Variants in TNFAIP2 observed in about 807,000 individuals in gnomAD.
TNFAIP2 encodes the protein TNF alpha induced protein 2, also known as tumor necrosis factor alpha-induced protein 2.
TNFAIP2 carries 47 observed loss-of-function variants against 63.5 expected under a neutral mutation model. That is an observed-to-expected ratio of 0.74 (90% CI 0.59 to 0.94). TNFAIP2 has a LOEUF of 0.94. TNFAIP2 is among the 40% of genes least tolerant of loss of function. The pLI is 0.00. For synonymous variants in TNFAIP2, 405 were observed against 390.2 expected (o/e 1.04, Z -0.45); for missense variants, 787 against 850.2 (o/e 0.93, Z 0.92).
rs200163502 is a variant in TNFAIP2 at position 103,131,682 on chromosome 14, A to C, written c.1342A>C (p.Ser448Arg). 1 of 1,607,266 alleles carries C rather than the reference A, an allele frequency of 6.2e-7. No individual in the cohort carries two copies. The highest frequency in any genetic ancestry group is 1.3e-5 in the African/African-American group (1 of 74,988). The change falls in exon 8 of 12, where the codon AGC (serine) becomes CGC (arginine). Residue 448 changes from serine to arginine, a missense_variant. Transcript: ENST00000560869. The surrounding 1 kb of genome is among the most constrained non-coding windows in gnomAD (Gnocchi z 4.0). ...TTGGCAGGTACCCCAGGACACCCTGAGCCTCCTGCTGGGCCCCCTGGGTGA... is the reference window on the plus strand; with the variant it reads ...TTGGCAGGTACCCCAGGACACCCTGCGCCTCCTGCTGGGCCCCCTGGGTGA... ...QNWQVPQDTL[S>R]LLLGPLGELK...
rs1260966276 is a variant in TNFAIP2 at position 103,126,997 on chromosome 14, C to T, written c.236-8C>T. The T allele has an allele frequency of 4.1e-6, 5 of 1,213,368 alleles. No individual in the cohort carries two copies. Among genetic ancestry groups the T allele is most frequent in the South Asian group, 5.0e-5 (2 of 39,620 alleles). 75.2% of individuals were successfully genotyped at this position (1,213,368 alleles called of 1,614,324 possible). On this transcript the variant is annotated splice_polypyrimidine_tract_variant and splice_region_variant and intron_variant, in intron 2 of 11. Transcript: ENST00000560869. Reference sequence around the variant, plus strand: ...GGGGCCGGGGCTGACGCGGCTTTCCCGGCGCAGTGGAGGAGCTGAAGGCGG... The same window carrying T: ...GGGGCCGGGGCTGACGCGGCTTTCCTGGCGCAGTGGAGGAGCTGAAGGCGG...
chr14:103,122,451 C>T (rs558321695), upstream of TNFAIP2, among the ~76,000 whole-genome samples: 7 of 152,204 alleles, frequency 4.6e-5, no homozygotes, highest in Non-Finnish European at 8.8e-5. Flanking sequence ...AAGCCCCTGC[C>T]CAGCGGGAAA....
Position 103,132,740 on chromosome 14 carries a change from C to T in TNFAIP2, c.1423-10C>T, listed in dbSNP as rs1386839870. ...GGGCGTGACTAGACATCCTGCCTCT[C>T]CTGTCTCAGCCACTGTTCAAGAGGT... On this transcript the variant is annotated splice_polypyrimidine_tract_variant and intron_variant, in intron 8 of 11. Transcript: ENST00000560869. 2 of 1,611,454 alleles carry T rather than the reference C, an allele frequency of 1.2e-6. No individual in the cohort carries two copies. The highest frequency in any genetic ancestry group is 2.7e-5 in the African/African-American group (2 of 74,918).
Position 103,135,782 on chromosome 14 carries a change from C to T in TNFAIP2, c.*422C>T, listed in dbSNP as rs1013110069. On this transcript the variant is annotated 3_prime_UTR_variant, in exon 12 of 12. Transcript: ENST00000560869. The surrounding 1 kb of genome is among the most constrained non-coding windows in gnomAD (Gnocchi z 7.6). ...TCTTCAGCTCTCTGGAGACAGGGGC[C>T]GAGCCTCACCCATCTGCCCTCTGCA... 38 of 1,291,404 alleles carry T rather than the reference C, an allele frequency of 2.9e-5. No homozygotes were observed. The highest frequency in any genetic ancestry group is 2.2e-4 in the East Asian group (4 of 18,492). The allele number at this position is 1,291,404 out of a possible 1,614,324, so 80.0% of individuals were successfully genotyped here. A position where few individuals can be genotyped will look rare whatever the true frequency, so the allele number is the denominator to read the frequency against.
Position 103,127,080 on chromosome 14 carries a change from TGGCGGCGGCGGC to T in TNFAIP2, c.320_331del (p.Ala107_Ala110del), listed in dbSNP as rs8176385. 3 of 1,114,686 alleles carry T rather than the reference TGGCGGCGGCGGC, an allele frequency of 2.7e-6. No homozygotes were observed. The highest frequency in any genetic ancestry group is 3.4e-5 in the African/African-American group (2 of 58,606). 69.0% of individuals were successfully genotyped at this position (1,114,686 alleles called of 1,614,324 possible). On this transcript the variant is annotated inframe_deletion, in exon 3 of 12. Transcript: ENST00000560869. This position sits in a 1 kb window ranked among gnomAD's most constrained non-coding sequence, Gnocchi z 5.1. Reference sequence around the variant, plus strand: ...CCGCTGCTGGCGCTGGAGCGGGAGCTGGCGGCGGCGGCGGCGGCGGGCGGTGTGAGCGAGGAG... The same window carrying T: ...CCGCTGCTGGCGCTGGAGCGGGAGCTGGCGGCGGGCGGTGTGAGCGAGGAG...
intron 8 of TNFAIP2, 124 bp from the exon 9 acceptor site, chr14:103,132,626 T>C: frequency 7.0e-7 from 1 of 1,436,794 alleles, no homozygotes. Context: ...AGTCCTTGAG[T>C]GCCCCCCGCC....
intron 1 of TNFAIP2, among the ~76,000 whole-genome samples, chr14:103,125,307 C>A (rs1444668524): frequency 6.6e-6 from 1 of 152,182 alleles, no homozygotes; most frequent in Non-Finnish European, 1.5e-5. Context: ...TGACAATGGT[C>A]AGGTGCTGGG....
At chr14:103,133,020 A>G (rs1026223590) in intron 9 of TNFAIP2, 148 bp downstream of exon 9, 4 of 1,327,750 alleles carry the variant, frequency 3.0e-6, no homozygotes, top group African/African-American at 1.4e-5. Flanking sequence ...GAACACGTGC[A>G]CATGTGAACA....
At chr14:103,130,162 G>A (rs2087942392) in intron 5 of TNFAIP2, 38 bp downstream of exon 5, 2 of 1,597,082 alleles carry the variant, frequency 1.3e-6, no homozygotes, top group Admixed American at 1.7e-5. Flanking sequence ...TACCGCCCGT[G>A]CACGTGCATG....
In TNFAIP2 at chr14:103,131,566, G is replaced by A. The variant is rs1595284031; in HGVS notation, c.1299-73G>A. 1.3e-6 allele frequency: 2 copies of A among 1,494,122 alleles called. No individual in the cohort carries two copies. Among genetic ancestry groups the A allele is most frequent in the South Asian group, 1.3e-5 (1 of 79,040 alleles). 92.6% of individuals were successfully genotyped at this position (1,494,122 alleles called of 1,614,324 possible). A position where few individuals can be genotyped will look rare whatever the true frequency, so the allele number is the denominator to read the frequency against. On this transcript the variant is annotated intron_variant, in intron 7 of 11. Transcript: ENST00000560869. The surrounding 1 kb of genome is among the most constrained non-coding windows in gnomAD (Gnocchi z 4.0). ...GAGGGTTCTAGAGTGAAGAGAGGGG[G>A]CTGTCTGGCTCCCTGGGTATGGGGC...
At position 103,129,686 on chromosome 14, in the gene TNFAIP2, G is replaced by A. The variant is rs915679835; in HGVS notation, c.861-54G>A. The A allele has an allele frequency of 2.6e-6, 4 of 1,533,348 alleles. No homozygotes were observed. In the Middle Eastern group the frequency reaches 6.8e-4, roughly 260 times the overall value. 95.0% of individuals were successfully genotyped at this position (1,533,348 alleles called of 1,614,324 possible). A position where few individuals can be genotyped will look rare whatever the true frequency, so the allele number is the denominator to read the frequency against. ...GCTGAGGGCCTGGGCTCTAGCTTGA[G>A]TGGTGGTGCTGATTTGGTATAGTTG... On this transcript the variant is annotated intron_variant, in intron 3 of 11. Transcript: ENST00000560869.
chr14:103,127,077 A>G lies in TNFAIP2; in HGVS notation c.308A>G (p.Glu103Gly). 8.9e-7 allele frequency: 1 copy of G among 1,121,782 alleles called. No homozygotes were observed. The highest frequency in any genetic ancestry group is 1.1e-6 in the Non-Finnish European group (1 of 918,792). 69.5% of individuals were successfully genotyped at this position (1,121,782 alleles called of 1,614,324 possible). A position where few individuals can be genotyped will look rare whatever the true frequency, so the allele number is the denominator to read the frequency against. ...AARPLLALER[E>G]LAAAAAAGGV... ...CGGCCGCTGCTGGCGCTGGAGCGGG[A>G]GCTGGCGGCGGCGGCGGCGGCGGGC... The change falls in exon 3 of 12, where the codon GAG (glutamate) becomes GGG (glycine). Residue 103 changes from glutamate to glycine, a missense_variant. Coordinates refer to ENST00000560869, the MANE Select transcript of TNFAIP2 (RefSeq NM_006291.4). The surrounding 1 kb of genome is among the most constrained non-coding windows in gnomAD (Gnocchi z 5.1).
At chr14:103,132,956 A>G in intron 9 of TNFAIP2, 84 bp downstream of exon 9, 1 of 1,575,816 alleles carries the variant, frequency 6.3e-7, no homozygotes. Flanking sequence ...GTGTACACTC[A>G]CGCACATGTG....
At chr14:103,133,152 A>ACG (rs2088019173) in intron 9 of TNFAIP2, among the ~76,000 whole-genome samples, 1 of 151,140 alleles carries the variant, frequency 6.6e-6, no homozygotes. Context: ...AAACACACAC[A>ACG]TGTGAACACG....
Position 103,131,670 on chromosome 14 carries a change from C to T in TNFAIP2, c.1330C>T (p.Gln444Ter). 2 of 1,603,754 alleles carry T rather than the reference C, an allele frequency of 1.2e-6. No homozygotes were observed. The highest frequency in any genetic ancestry group is 1.7e-6 in the Non-Finnish European group (2 of 1,178,624). ...MSMEQNWQVPQDTLSLLLGPL... is the reference protein window; with the variant it reads ...MSMEQNWQVP ...CATGGAGCAGAATTGGCAGGTACCC[C>T]AGGACACCCTGAGCCTCCTGCTGGG... The change falls in exon 8 of 12, where the codon CAG becomes TAG. Residue 444 changes from glutamine (Q) to a stop codon, truncating the protein, a stop_gained. Coordinates refer to ENST00000560869, the MANE Select transcript of TNFAIP2 (RefSeq NM_006291.4). LOFTEE classifies it high-confidence loss of function. This position sits in a 1 kb window ranked among gnomAD's most constrained non-coding sequence, Gnocchi z 4.0.
chr14:103,135,741 G>A lies in TNFAIP2; in HGVS notation c.*381G>A. ...GGCCTCATGACTGTCCTCCTCGTGG[G>A]TGGGGCCGAGGGCCCTCTTCAGCTC... is the stretch of plus-strand genomic sequence containing the variant. On this transcript the variant is annotated 3_prime_UTR_variant, in exon 12 of 12. Coordinates refer to ENST00000560869, the MANE Select transcript of TNFAIP2 (RefSeq NM_006291.4). This position sits in a 1 kb window ranked among gnomAD's most constrained non-coding sequence, Gnocchi z 7.6. 2 of 1,260,972 alleles carry A rather than the reference G, an allele frequency of 1.6e-6. No individual in the cohort carries two copies. The highest frequency in any genetic ancestry group is 1.0e-6 in the Non-Finnish European group (1 of 978,958). 78.1% of individuals were successfully genotyped at this position (1,260,972 alleles called of 1,614,324 possible).
chr14:103,121,880 G>C (rs571273487), upstream of TNFAIP2, among the ~76,000 whole-genome samples: 4 of 152,112 alleles, frequency 2.6e-5, no homozygotes, highest in South Asian at 4.1e-4. Flanking sequence ...GGAATGGGAG[G>C]GGGGGTGAGG....
At chr14:103,134,106 A>T (rs1410016786) in intron 11 of TNFAIP2, among the ~76,000 whole-genome samples, 1 of 152,212 alleles carries the variant, frequency 6.6e-6, no homozygotes, top group Non-Finnish European at 1.5e-5. Context: ...GGGGAGACTG[A>T]GACCAGAGAG....
intron 6 of TNFAIP2, 145 bp downstream of exon 6, chr14:103,130,560 C>T (rs546193739): frequency 3.7e-6 from 3 of 820,686 alleles, no homozygotes; most frequent in Non-Finnish European, 5.8e-6. Flanking sequence ...GTTTCCCACT[C>T]AGCCAGGGCA....
Sources: allele counts gnomAD v4.1 joint callset (sites outside exome capture counted in the v4.1 genomes callset), GRCh38; gene constraint gnomAD v4.1.1; non-coding constraint Gnocchi (gnomAD v3.1); transcripts MANE v1.5; gene names NCBI Gene and HGNC (gene_info 2026-07-23, HGNC 2026-07-21).